The following NSMAF variants were observed in gnomAD, a reference collection of about 807,000 sequenced individuals.
NSMAF encodes neutral sphingomyelinase activation associated factor.
In NSMAF, 90 loss-of-function variants were observed where a neutral mutation model predicts 134.9. That is an observed-to-expected ratio of 0.67 (90% confidence interval 0.56 to 0.79). The LOEUF is 0.79. Among genes scored for constraint, NSMAF ranks in the 30% least tolerant of loss-of-function variants. The pLI is 0.00. For missense variants in NSMAF, 1,010 were observed against 1,119.0 expected (o/e 0.90, Z 1.39); for synonymous variants, 358 against 389.6 (o/e 0.92, Z 0.96).
intron 6 of NSMAF, among the ~76,000 whole-genome samples, chr8:58,630,015 T>A (rs1053298745): frequency 3.3e-5 from 5 of 152,166 alleles, no homozygotes; most frequent in African/African-American, 9.7e-5. Flanking sequence ...AAGTCAGAAC[T>A]CTGGATGTAT....
intron 17 of NSMAF, 37 bp downstream of exon 17, chr8:58,599,933 C>G: frequency 6.2e-7 from 1 of 1,612,972 alleles, no homozygotes; most frequent in Non-Finnish European, 8.5e-7. Flanking sequence ...TTAGAAACCC[C>G]AAGTCCAGTT....
In NSMAF at chr8:58,648,793, A is replaced by G. The variant is rs146147055; in HGVS notation, c.60-5720T>C. 7.9e-5 allele frequency among the ~76,000 whole-genome samples: 12 copies of G among 152,378 alleles called. No individual in the cohort carries two copies. In the East Asian group the frequency reaches 1.9e-3, roughly 24 times the overall value. ...GCAGGTGCACAGAATGCAAGCATGA[A>G]GGAGCCTTGGCAGCTTACCCCTAGA... On this transcript the variant is annotated intron_variant, in intron 1 of 30. Coordinates refer to ENST00000038176, the MANE Select transcript of NSMAF (RefSeq NM_003580.4).
At chr8:58,623,091 A>C (rs1181286904) in intron 9 of NSMAF, 129 bp downstream of exon 9, 1 of 706,740 alleles carries the variant, frequency 1.4e-6, no homozygotes, top group Non-Finnish European at 2.5e-6. Context: ...ACTGAGGCTG[A>C]GCCATTCTCT....
chr8:58,655,768 G>T (rs1374937778), intron 1 of NSMAF, among the ~76,000 whole-genome samples: 1 of 151,736 alleles, frequency 6.6e-6, no homozygotes, highest in Non-Finnish European at 1.5e-5. Context: ...TTAGCCGGGC[G>T]CTGTGGTGGC....
At chr8:58,645,944 G>A (rs1408746736) in intron 1 of NSMAF, among the ~76,000 whole-genome samples, 1 of 152,188 alleles carries the variant, frequency 6.6e-6, no homozygotes, top group African/African-American at 2.4e-5. Context: ...GGGAGGCTGA[G>A]GCAGGAGAAT....
intron 5 of NSMAF, among the ~76,000 whole-genome samples, chr8:58,632,572 C>T (rs906705361): frequency 1.3e-5 from 2 of 152,168 alleles, no homozygotes; most frequent in African/African-American, 4.8e-5. Context: ...TACTTTTGGA[C>T]CTTGCTTTGT....
chr8:58,654,546 T>C (rs968548383), intron 1 of NSMAF, among the ~76,000 whole-genome samples: 20 of 151,894 alleles, frequency 1.3e-4, no homozygotes, highest in African/African-American at 4.9e-4. Context: ...GGGAAACTCC[T>C]TCTCAAAAAA....
intron 5 of NSMAF, among the ~76,000 whole-genome samples, 185 bp from the exon 6 acceptor site, chr8:58,631,731 A>T (rs892933689): frequency 3.3e-5 from 5 of 152,156 alleles, no homozygotes; most frequent in African/African-American, 1.2e-4. Flanking sequence ...AAAATAACAA[A>T]TATCAAATTA....
intron 1 of NSMAF, among the ~76,000 whole-genome samples, chr8:58,654,156 A>G (rs1585769387): frequency 6.6e-6 from 1 of 152,240 alleles, no homozygotes; most frequent in Non-Finnish European, 1.5e-5. Flanking sequence ...CACCTGGTAT[A>G]TCCCACAAAC....
Position 58,597,540 on chromosome 8 carries a change from G to A in NSMAF, c.1639C>T (p.Pro547Ser), listed in dbSNP as rs773051961. 6.2e-7 allele frequency: 1 copy of A among 1,614,088 alleles called. No homozygotes were observed. The highest frequency in any genetic ancestry group is 8.5e-7 in the Non-Finnish European group (1 of 1,179,958). The part of the protein sequence containing the change: ...GGVDLNSIQD[P>S]DEKVAMLTQI... ...GTAAGCATGGCTACCTTCTCATCAGGATCCTGGATGCTTTGGGACAGAACA... is the reference window on the plus strand; with the variant it reads ...GTAAGCATGGCTACCTTCTCATCAGAATCCTGGATGCTTTGGGACAGAACA... The change falls in exon 21 of 31, where the codon CCT becomes TCT. Residue 547 changes from proline to serine, a missense_variant. Physicochemically the swap from Pro to Ser is moderately conservative, Grantham distance 74. Coordinates refer to ENST00000038176, the MANE Select transcript of NSMAF (RefSeq NM_003580.4).
intron 7 of NSMAF, 78 bp from the exon 8 acceptor site, chr8:58,623,502 C>T (rs376839993): frequency 1.6e-5 from 23 of 1,406,142 alleles, no homozygotes; most frequent in Non-Finnish European, 2.2e-5. Flanking sequence ...CAATGAGAAA[C>T]AGCAATCATT....
chr8:58,646,666 A>G (rs1807461011), intron 1 of NSMAF, among the ~76,000 whole-genome samples: 1 of 152,154 alleles, frequency 6.6e-6, no homozygotes. Flanking sequence ...TGTAAAAATT[A>G]TTATAATTAA....
At chr8:58,593,991 G>A (rs778888475) in intron 23 of NSMAF, among the ~76,000 whole-genome samples, 1 of 152,186 alleles carries the variant, frequency 6.6e-6, no homozygotes, top group Non-Finnish European at 1.5e-5. Context: ...GTGGAAAGGA[G>A]GCTGTTTCTG....
intron 11 of NSMAF, among the ~76,000 whole-genome samples, chr8:58,606,800 G>T (rs904665582): frequency 1.3e-5 from 2 of 152,070 alleles, no homozygotes; most frequent in African/African-American, 2.4e-5. Flanking sequence ...GTTAACCCCC[G>T]GAGTCTCAAT....
intron 6 of NSMAF, 42 bp from the exon 7 acceptor site, chr8:58,623,822 A>G (rs757391853): frequency 6.6e-7 from 1 of 1,506,052 alleles, no homozygotes; most frequent in Admixed American, 1.7e-5. Flanking sequence ...GAAGAGAAGA[A>G]GTGTGCCAAA....
chr8:58,659,521 G>A (rs1367027629), intron 1 of NSMAF, 52 bp downstream of exon 1: 4 of 1,449,946 alleles, frequency 2.8e-6, no homozygotes, highest in East Asian at 3.0e-5. Flanking sequence ...GCGTCCCCAC[G>A]ACCGGCCCCG....
intron 1 of NSMAF, among the ~76,000 whole-genome samples, chr8:58,654,557 GA>G (rs575825290): frequency 9.4e-5 from 14 of 148,992 alleles, no homozygotes; most frequent in Non-Finnish European, 2.1e-4. Flanking sequence ...TCTCAAAAAA[GA>G]AAAAAAGAAA....
intron 9 of NSMAF, among the ~76,000 whole-genome samples, chr8:58,618,870 G>A (rs1428067876): frequency 1.3e-5 from 2 of 151,978 alleles, no homozygotes; most frequent in Non-Finnish European, 2.9e-5. Flanking sequence ...TTTTCTTCTA[G>A]AGAAAGTATA....
chr8:58,625,394 ATATGTATG>A (rs1554576320), intron 6 of NSMAF, among the ~76,000 whole-genome samples: 1 of 151,534 alleles, frequency 6.6e-6, no homozygotes, highest in Non-Finnish European at 1.5e-5. Flanking sequence ...ATGTATATGC[ATATGTATG>A]TATGTATGTA....
Sources: allele counts gnomAD v4.1 joint callset (sites outside exome capture counted in the v4.1 genomes callset), GRCh38; gene constraint gnomAD v4.1.1; transcripts MANE v1.5; gene names NCBI Gene and HGNC (gene_info 2026-07-23, HGNC 2026-07-21).